Variants in FAM20C observed in about 807,000 individuals in gnomAD.
The protein encoded by FAM20C is FAM20C golgi associated secretory pathway kinase.
A neutral mutation model predicts 51.5 loss-of-function variants in FAM20C; 40 were observed. That is an observed-to-expected ratio of 0.78 (90% CI 0.60 to 1.01). The LOEUF (loss-of-function observed/expected upper bound fraction) is 1.01, where lower values mean the gene tolerates loss of function less well. Among genes scored for constraint, FAM20C ranks in the 50% least tolerant of loss-of-function variants. The pLI is 0.00. For missense variants in FAM20C, 861 were observed against 844.7 expected (o/e 1.02, Z -0.24); for synonymous variants, 406 against 380.6 (o/e 1.07, Z -0.78).
intron 3 of FAM20C, among the ~76,000 whole-genome samples, chr7:226,844 T>C (rs1320592609): frequency 1.3e-5 from 2 of 152,230 alleles, no homozygotes; most frequent in Non-Finnish European, 2.9e-5. Context: ...TTAACAATTA[T>C]GTAACCATTG....
At chr7:231,449 G>A (rs1365236144) in intron 3 of FAM20C, among the ~76,000 whole-genome samples, 7 of 151,382 alleles carry the variant, frequency 4.6e-5, no homozygotes, top group Non-Finnish European at 8.9e-5. Flanking sequence ...GGGCCCCGTG[G>A]GAGGAGGGTC....
intron 5 of FAM20C, among the ~76,000 whole-genome samples, chr7:253,841 G>A (rs375080649): frequency 2.6e-4 from 39 of 152,214 alleles, no homozygotes; most frequent in African/African-American, 8.0e-4. Flanking sequence ...CGGCTTAGGC[G>A]AGGACGGGAG....
intron 3 of FAM20C, among the ~76,000 whole-genome samples, chr7:215,236 G>GT (rs927244332): frequency 7.7e-6 from 1 of 129,598 alleles, no homozygotes. Context: ...GCTGGGGGGG[G>GT]GAGCAGGGCC....
rs1788582778 is a variant in FAM20C, at chr7:256,156, C to G, written c.1253+127C>G. On this transcript the variant is annotated intron_variant, in intron 6 of 9. Coordinates refer to ENST00000313766, the MANE Select transcript of FAM20C (RefSeq NM_020223.4). ...TGGGTGCAGAGCCTGCTGTGCGATGCTGGCCTGTGTGAGATGACCGCTTCC... is the reference window on the plus strand; with the variant it reads ...TGGGTGCAGAGCCTGCTGTGCGATGGTGGCCTGTGTGAGATGACCGCTTCC... 21 of 1,196,576 alleles carry G rather than the reference C, an allele frequency of 1.8e-5. No individual in the cohort carries two copies. The Admixed American group carries it at 5.9e-4, about 34-fold the overall frequency. The allele number at this position is 1,196,576 out of a possible 1,614,324, so 74.1% of individuals were successfully genotyped here.
At position 260,195 on chromosome 7, in the gene FAM20C, G is replaced by C. The variant is rs553005020; in HGVS notation, c.*215G>C. Reference sequence around the variant, plus strand: ...AGCTTGGGAAGGAAGCGCTGTCTGTGCTCACGGACAGAGGCGGCCGGCGCC... The same window carrying C: ...AGCTTGGGAAGGAAGCGCTGTCTGTCCTCACGGACAGAGGCGGCCGGCGCC... On this transcript the variant is annotated 3_prime_UTR_variant, in exon 10 of 10. Coordinates refer to ENST00000313766, the MANE Select transcript of FAM20C (RefSeq NM_020223.4). The C allele has an allele frequency of 1.7e-5, 11 of 628,812 alleles. No individual in the cohort carries two copies. The East Asian group carries it at 2.5e-4, about 14-fold the overall frequency. The allele number at this position is 628,812 out of a possible 1,614,324, so 39.0% of individuals were successfully genotyped here.
chr7:209,745 C>G (rs779728722), intron 3 of FAM20C, among the ~76,000 whole-genome samples: 8 of 152,226 alleles, frequency 5.3e-5, no homozygotes, highest in Non-Finnish European at 1.2e-4. Flanking sequence ...TTCCAACTTT[C>G]TAGAGAAGCC....
chr7:211,111 C>T (rs1264994564), intron 3 of FAM20C, among the ~76,000 whole-genome samples: 4 of 150,136 alleles, frequency 2.7e-5, no homozygotes, highest in Non-Finnish European at 5.9e-5. Context: ...TCCGCCTCCC[C>T]CAGCCTTCTC....
intron 3 of FAM20C, among the ~76,000 whole-genome samples, chr7:215,229 GGGGGGGGGAGCAGGGCCCC>G (rs1562375300): frequency 2.1e-3 from 41 of 19,610 alleles, no homozygotes; most frequent in African/African-American, 4.3e-3. Context: ...GGCTCCAGCT[GGGGGGGGGAGCAGGGCCCC>G]TGGTGTATGG....
At chr7:195,899 C>T (rs529194835) in intron 2 of FAM20C, among the ~76,000 whole-genome samples, 167 bp downstream of exon 2, 1 of 152,346 alleles carries the variant, frequency 6.6e-6, no homozygotes, top group East Asian at 1.9e-4. Flanking sequence ...AGAGGGCTCG[C>T]GTCTCGTGTG....
At chr7:209,070 C>T in intron 3 of FAM20C, 94 bp downstream of exon 3, 1 of 1,317,364 alleles carries the variant, frequency 7.6e-7, no homozygotes. Flanking sequence ...TGTCTCCTCC[C>T]AGGGTGTTTT....
At chr7:255,658 C>T (rs36193175) in intron 5 of FAM20C, among the ~76,000 whole-genome samples, 191 bp from the exon 6 acceptor site, 2 of 151,778 alleles carry the variant, frequency 1.3e-5, no homozygotes, top group African/African-American at 4.8e-5. Context: ...GGCCTCGGGA[C>T]GTCAGCTCTG....
At chr7:228,736 A>T (rs902042622) in intron 3 of FAM20C, 4 of 456,230 alleles carry the variant, frequency 8.8e-6, no homozygotes, top group Non-Finnish European at 1.8e-5. Context: ...TCCATCCCAC[A>T]TCCTCCACCA....
chr7:241,573 TG>T (rs1787947117), intron 3 of FAM20C, among the ~76,000 whole-genome samples: 1 of 151,764 alleles, frequency 6.6e-6, no homozygotes, highest in Admixed American at 6.6e-5. Context: ...TGTGTGTGTG[TG>T]TGTGTGCACT....
At chr7:240,907 C>T (rs912901798) in intron 3 of FAM20C, among the ~76,000 whole-genome samples, 3 of 152,230 alleles carry the variant, frequency 2.0e-5, no homozygotes, top group East Asian at 1.9e-4. Context: ...CGGAGGGCTG[C>T]GGGCTTGAGT....
chr7:224,401 TTCTCTCACTGAGCAGAAC>T (rs1787387222), intron 3 of FAM20C, among the ~76,000 whole-genome samples: 1 of 23,784 alleles, frequency 4.2e-5, no homozygotes, highest in Non-Finnish European at 8.4e-5. Context: ...CCCCTGAGCC[TTCTCTCACTGAGCAGAAC>T]GGCACCCTCA....
intron 3 of FAM20C, among the ~76,000 whole-genome samples, chr7:245,155 G>C (rs544949344): frequency 6.6e-6 from 1 of 152,252 alleles, no homozygotes; most frequent in East Asian, 1.9e-4. Flanking sequence ...GGAAGGACCC[G>C]GCCGGGGAAG....
chr7:207,817 G>T (rs1469127657), intron 2 of FAM20C, among the ~76,000 whole-genome samples: 1 of 151,942 alleles, frequency 6.6e-6, no homozygotes, highest in Admixed American at 6.5e-5. Context: ...TCCCGGGGCT[G>T]CCCCAGGCCG....
At position 242,763 on chromosome 7, in the gene FAM20C, T is replaced by C. The variant is rs572478849; in HGVS notation, c.864-3652T>C. Among the ~76,000 whole-genome samples the C allele has an allele frequency of 1.4e-4, 22 of 151,796 alleles. No homozygotes were observed. The East Asian group carries it at 3.9e-3, about 27-fold the overall frequency. On this transcript the variant is annotated intron_variant, in intron 3 of 9. Coordinates refer to ENST00000313766, the MANE Select transcript of FAM20C (RefSeq NM_020223.4). ...CCATGTGTGGCCACTGGCTGCCGAG[T>C]TGGACAGCGCAGAAGGTCACGTCCA...
intron 2 of FAM20C, among the ~76,000 whole-genome samples, chr7:203,180 C>G (rs1786209341): frequency 6.6e-6 from 1 of 152,178 alleles, no homozygotes; most frequent in Non-Finnish European, 1.5e-5. Flanking sequence ...CAGTGGGTCC[C>G]TCCCCAGGCT....
Sources: gnomAD v4.1 joint callset for allele counts (sites outside exome capture counted in the v4.1 genomes callset) on GRCh38, gnomAD v4.1.1 for gene constraint, MANE v1.5 for transcripts, NCBI Gene and HGNC (gene_info 2026-07-23, HGNC 2026-07-21) for gene names.